The following MRPS14 variants were observed in gnomAD, a reference collection of about 807,000 sequenced individuals.
MRPS14 encodes small ribosomal subunit protein uS14m.
MRPS14 carries 14 observed loss-of-function variants against 16.4 expected under a neutral mutation model. The ratio of observed to expected loss-of-function variants is 0.85; its 90% confidence interval spans 0.56 to 1.33. The LOEUF is 1.33. MRPS14 is among the 40% of genes most tolerant of loss of function. The pLI is 0.00. For missense variants in MRPS14, 162 were observed against 176.8 expected, an observed-to-expected ratio of 0.92 and a Z score of 0.48; for synonymous variants, 54 against 61.9, an observed-to-expected ratio of 0.87 and a Z score of 0.60.
intron 2 of MRPS14, among the ~76,000 whole-genome samples, chr1:175,015,404 CAT>C (rs1405153773): frequency 1.3e-5 from 2 of 152,178 alleles, no homozygotes; most frequent in African/African-American, 4.8e-5. Flanking sequence ...GTTGCCGCCT[CAT>C]GTTTTTTGAA....
chr1:175,021,470 T>C (rs1227761817), intron 1 of MRPS14, among the ~76,000 whole-genome samples: 1 of 152,206 alleles, frequency 6.6e-6, no homozygotes, highest in Non-Finnish European at 1.5e-5. Flanking sequence ...AAGTGCAAGC[T>C]ATTATCTCAC....
At chr1:175,020,010 G>A (rs1672949806) in intron 1 of MRPS14, among the ~76,000 whole-genome samples, 1 of 151,938 alleles carries the variant, frequency 6.6e-6, no homozygotes, top group Non-Finnish European at 1.5e-5. Flanking sequence ...AGTTCCTTGG[G>A]GAAATATAAC....
chr1:175,015,241 G>A (rs565938498), intron 2 of MRPS14, among the ~76,000 whole-genome samples: 2 of 152,130 alleles, frequency 1.3e-5, no homozygotes, highest in Admixed American at 6.5e-5. Flanking sequence ...GAGCCACAGC[G>A]CCTGGCCACT....
intron 2 of MRPS14, among the ~76,000 whole-genome samples, chr1:175,017,882 T>C (rs192264630): frequency 2.0e-3 from 302 of 152,296 alleles, no homozygotes; most frequent in Admixed American, 2.4e-3. Flanking sequence ...TCCCAGCACT[T>C]TGGGAGGCCC....
Position 175,014,570 on chromosome 1 carries a change from C to T in MRPS14, c.*99G>A. The T allele has an allele frequency of 4.0e-6, 5 of 1,240,272 alleles. No individual in the cohort carries two copies. The highest frequency in any genetic ancestry group is 4.4e-6 in the Non-Finnish European group (4 of 900,848). The allele number at this position is 1,240,272 out of a possible 1,614,324, so 76.8% of individuals were successfully genotyped here. ...AGGTAGGCCAAACAACTGTACTGGG[C>T]CCCTGTAGAGATTAGGGTTTGGTCT... On this transcript the variant is annotated 3_prime_UTR_variant, in exon 3 of 3. Coordinates refer to ENST00000476371, the MANE Select transcript of MRPS14 (RefSeq NM_022100.3).
At chr1:175,021,891 T>C (rs537493013) in intron 1 of MRPS14, among the ~76,000 whole-genome samples, 14 of 152,218 alleles carry the variant, frequency 9.2e-5, no homozygotes, top group Non-Finnish European at 1.3e-4. Flanking sequence ...CTCACCAACA[T>C]AGTGGCTCAC....
rs535526466 is a variant in MRPS14, at chr1:175,015,582, A to T, written c.205-731T>A. Reference sequence around the variant, plus strand: ...GAGAGATCAGATGAGGTTTATATTTAAAAAAAATCATTTGCAAGGTAGAGG... The same window carrying T: ...GAGAGATCAGATGAGGTTTATATTTTAAAAAAATCATTTGCAAGGTAGAGG... On this transcript the variant is annotated intron_variant, in intron 2 of 2. Transcript: ENST00000476371. 3.3e-4 allele frequency among the ~76,000 whole-genome samples: 50 copies of T among 152,166 alleles called. 2 individuals carry two copies. The highest frequency in any genetic ancestry group is 9.4e-4 in the African/African-American group (39 of 41,520).
rs529466614 is a variant in MRPS14 at position 175,013,005 on chromosome 1, A to T, written c.*1664T>A. On this transcript the variant is annotated 3_prime_UTR_variant, in exon 3 of 3. Transcript: ENST00000476371. The stretch of plus-strand genomic sequence containing the variant: ...AATTTTGGAAGTACACAAAATGTTC[A>T]AACTATAGCATGTATATATATCAAG... 1.3e-5 allele frequency: 2 copies of T among 152,196 alleles called. No individual in the cohort carries two copies. The highest frequency in any genetic ancestry group is 4.8e-5 in the African/African-American group (2 of 41,440). 9.4% of individuals were successfully genotyped at this position (152,196 alleles called of 1,614,324 possible).
rs765933095 is a variant in MRPS14, at chr1:175,023,394, CA to C, written c.14del (p.Met5SerfsTer26). On this transcript the variant is annotated frameshift_variant, in exon 1 of 3. Coordinates refer to ENST00000476371, the MANE Select transcript of MRPS14 (RefSeq NM_022100.3). LOFTEE classifies it high-confidence loss of function. MAAF[M>X]LGSLLRTFKQ... is the part of the protein sequence containing the mutation. Reference sequence around the variant, plus strand: ...TGAACGTCCGCAGCAGCGAGCCCAGCATGAAGGCCGCCATGTTGTCCGCTAC... The same window carrying C: ...TGAACGTCCGCAGCAGCGAGCCCAGCTGAAGGCCGCCATGTTGTCCGCTAC... 1 of 1,614,186 alleles carries C rather than the reference CA, an allele frequency of 6.2e-7. No homozygotes were observed.
At chr1:175,017,326 G>A (rs780403042) in intron 2 of MRPS14, among the ~76,000 whole-genome samples, 4 of 152,108 alleles carry the variant, frequency 2.6e-5, no homozygotes, top group South Asian at 4.1e-4. Context: ...GATTACAGGC[G>A]TGAGCCACTG....
intron 1 of MRPS14, 68 bp from the exon 2 acceptor site, chr1:175,018,644 G>A (rs1319463562): frequency 7.3e-7 from 1 of 1,368,444 alleles, no homozygotes; most frequent in South Asian, 1.6e-5. Flanking sequence ...CCTCAACCCT[G>A]CAATTCTCTT....
Position 175,014,167 on chromosome 1 carries a change from TG to T in MRPS14, c.*501del, listed in dbSNP as rs1433597331. 10 of 168,230 alleles carry T rather than the reference TG, an allele frequency of 5.9e-5. No homozygotes were observed. Among genetic ancestry groups the T allele is most frequent in the African/African-American group, 2.4e-4 (10 of 42,164 alleles). The allele number at this position is 168,230 out of a possible 1,614,324, so 10.4% of individuals were successfully genotyped here. A position where few individuals can be genotyped will look rare whatever the true frequency, so the allele number is the denominator to read the frequency against. ...TTTGTTCAGCCATCACAAGAAGAAGTGGAGCATTAGATAATCCAGAACAGCA... is the reference window on the plus strand; with the variant it reads ...TTTGTTCAGCCATCACAAGAAGAAGTGAGCATTAGATAATCCAGAACAGCA... On this transcript the variant is annotated 3_prime_UTR_variant, in exon 3 of 3. Coordinates refer to ENST00000476371, the MANE Select transcript of MRPS14 (RefSeq NM_022100.3).
At chr1:175,020,709 A>G (rs1216964783) in intron 1 of MRPS14, among the ~76,000 whole-genome samples, 4 of 152,316 alleles carry the variant, frequency 2.6e-5, no homozygotes, top group South Asian at 2.1e-4. Context: ...TGGTTTCTCC[A>G]TGTTGGTCAG....
chr1:175,018,175 C>A (rs577938179), intron 2 of MRPS14, among the ~76,000 whole-genome samples: 4 of 151,810 alleles, frequency 2.6e-5, no homozygotes, highest in Admixed American at 6.6e-5. Context: ...GTGAAAATAA[C>A]CACCCAATTT....
chr1:175,016,878 T>C (rs1469891639), intron 2 of MRPS14, among the ~76,000 whole-genome samples: 1 of 152,180 alleles, frequency 6.6e-6, no homozygotes, highest in Non-Finnish European at 1.5e-5. Flanking sequence ...TACGGTGTTG[T>C]GCGTTAGCTC....
chr1:175,016,951 C>T (rs375294643), intron 2 of MRPS14, among the ~76,000 whole-genome samples: 4 of 152,232 alleles, frequency 2.6e-5, no homozygotes, highest in South Asian at 4.1e-4. Context: ...CTGATTTCCC[C>T]CTGCCCGCCA....
intron 1 of MRPS14, among the ~76,000 whole-genome samples, chr1:175,021,871 T>G (rs1005863607): frequency 6.6e-6 from 1 of 152,184 alleles, no homozygotes; most frequent in Non-Finnish European, 1.5e-5. Flanking sequence ...AAAGAGCATT[T>G]CTATAAATGC....
At chr1:175,015,416 A>G (rs1394330543) in intron 2 of MRPS14, among the ~76,000 whole-genome samples, 1 of 152,226 alleles carries the variant, frequency 6.6e-6, no homozygotes, top group Non-Finnish European at 1.5e-5. Flanking sequence ...TGTTTTTTGA[A>G]TCACGAAAGT....
In MRPS14 at chr1:175,013,667, G is replaced by T. The variant is rs1672825136; in HGVS notation, c.*1002C>A. The T allele has an allele frequency of 1.3e-5, 2 of 152,138 alleles. No individual in the cohort carries two copies. The allele number at this position is 152,138 out of a possible 1,614,324, so 9.4% of individuals were successfully genotyped here. ...ATGTCATTCCTGTGCTTAAAACTCT[G>T]TAATACCTGGTATGTCAGTCTTAAT... On this transcript the variant is annotated 3_prime_UTR_variant, in exon 3 of 3. Coordinates refer to ENST00000476371, the MANE Select transcript of MRPS14 (RefSeq NM_022100.3).
Sources: gnomAD v4.1 joint callset for allele counts (sites outside exome capture counted in the v4.1 genomes callset) on GRCh38, gnomAD v4.1.1 for gene constraint, MANE v1.5 for transcripts, NCBI Gene and HGNC (gene_info 2026-07-23, HGNC 2026-07-21) for gene names.